Variants in ZSCAN29 observed in about 807,000 individuals in gnomAD.
ZSCAN29 encodes zinc finger and SCAN domain-containing protein 29.
A neutral mutation model predicts 71.9 loss-of-function variants in ZSCAN29; 55 were observed. The observed-to-expected ratio is 0.76, with a 90% CI of 0.62 to 0.96. ZSCAN29 has a LOEUF of 0.96. Ranked by LOEUF, ZSCAN29 falls within the 40% of genes least tolerant of loss-of-function variation. ZSCAN29 has a pLI of 0.00. For missense variants in ZSCAN29, 1,042 were observed against 1,042.2 expected, an observed-to-expected ratio of 1.00 and a Z score of 0.00; for synonymous variants, 351 against 371.6, an observed-to-expected ratio of 0.94 and a Z score of 0.64.
intron 3 of ZSCAN29, among the ~76,000 whole-genome samples, chr15:43,368,698 C>T (rs1460162223): frequency 6.6e-6 from 1 of 152,044 alleles, no homozygotes; most frequent in African/African-American, 2.4e-5. Context: ...ATCATCATTA[C>T]CAAGAGGAAA....
In ZSCAN29 at chr15:43,360,520, A is replaced by C. The variant is rs992583200; in HGVS notation, c.*553T>G. The C allele has an allele frequency of 6.6e-6, 1 of 152,288 alleles. No individual in the cohort carries two copies. Among genetic ancestry groups the C allele is most frequent in the Non-Finnish European group, 1.5e-5 (1 of 68,428 alleles). The allele number at this position is 152,288 out of a possible 1,614,324, so 9.4% of individuals were successfully genotyped here. ...CATGGTGGCGCATGCTTGTAATTCC[A>C]GCCACTTGGGAGGCTGAGGCAGGAG... On this transcript the variant is annotated 3_prime_UTR_variant, in exon 6 of 6. Transcript: ENST00000684362.
chr15:43,364,763 C>T (rs575779781), intron 4 of ZSCAN29, among the ~76,000 whole-genome samples: 2 of 151,704 alleles, frequency 1.3e-5, no homozygotes, highest in Admixed American at 1.3e-4. Flanking sequence ...TGGTGTGCAC[C>T]TATAGTCCCA....
At chr15:43,362,908 T>C (rs8035222) in intron 5 of ZSCAN29, among the ~76,000 whole-genome samples, 1 of 152,196 alleles carries the variant, frequency 6.6e-6, no homozygotes, top group African/African-American at 2.4e-5. Context: ...ATGGCTACTA[T>C]GTGCCAGGCA....
At chr15:43,369,511 G>C in intron 2 of ZSCAN29, 85 bp downstream of exon 2, 1 of 1,418,490 alleles carries the variant, frequency 7.0e-7, no homozygotes, top group Non-Finnish European at 9.6e-7. Context: ...GGGAGACTGT[G>C]TCCCTCTTTA....
At chr15:43,367,310 G>T (rs2044049415) in intron 3 of ZSCAN29, among the ~76,000 whole-genome samples, 12 of 152,022 alleles carry the variant, frequency 7.9e-5, no homozygotes, top group Admixed American at 7.9e-4. Context: ...CCAGATAATT[G>T]CAGCAGTCAC....
rs1297883135 is a variant in ZSCAN29 at position 43,361,677 on chromosome 15, T to A, written c.1955A>T (p.Lys652Ile). Residue 652 changes from lysine (K) to isoleucine (I), a missense_variant, in exon 6 of 6, where the codon AAA (lysine) becomes ATA (isoleucine). Lys to Ile is a moderately radical substitution (Grantham distance 102). Coordinates refer to ENST00000684362, the MANE Select transcript of ZSCAN29 (RefSeq NM_001372080.1). ...AAAGCTTTTGCTGTATTTGAGATAT[T>A]TATAGGGTCTCTCTCCCAAGCAAGG... ...QRPCLGERPY[K>I]YLKYSKSFGP... 1 of 1,614,018 alleles carries A rather than the reference T, an allele frequency of 6.2e-7. No individual in the cohort carries two copies. The highest frequency in any genetic ancestry group is 8.5e-7 in the Non-Finnish European group (1 of 1,180,034).
chr15:43,364,121 C>A lies in ZSCAN29; in HGVS notation c.1484G>T (p.Ser495Ile), dbSNP rs946353904. The change falls in exon 5 of 6, where the codon AGT (serine) becomes ATT (isoleucine). Residue 495 changes from serine (S) to isoleucine (I), a missense_variant. Physicochemically the swap from Ser to Ile is moderately radical, Grantham distance 142. Transcript: ENST00000684362. ...ATTGGGTGGGGCAGCAACCCGGACACTCACCAAAGCATCCATCTCTTCAAA... is the reference window on the plus strand; with the variant it reads ...ATTGGGTGGGGCAGCAACCCGGACAATCACCAAAGCATCCATCTCTTCAAA... ...PFFEEMDALVSVRVAAPPNDG... is the reference protein window; with the variant it reads ...PFFEEMDALVIVRVAAPPNDG... 1.8e-5 allele frequency: 29 copies of A among 1,614,088 alleles called. No individual in the cohort carries two copies. The highest frequency in any genetic ancestry group is 2.7e-5 in the African/African-American group (2 of 74,922).
In ZSCAN29 at chr15:43,359,851, G is replaced by A. The variant is rs2043962913; in HGVS notation, c.*1222C>T. 6.6e-6 allele frequency: 1 copy of A among 152,146 alleles called. No homozygotes were observed. The highest frequency in any genetic ancestry group is 1.5e-5 in the Non-Finnish European group (1 of 68,026). The allele number at this position is 152,146 out of a possible 1,614,324, so 9.4% of individuals were successfully genotyped here. A position where few individuals can be genotyped will look rare whatever the true frequency, so the allele number is the denominator to read the frequency against. ...CTCAGAAGAAACTAAGAAATCCAGG[G>A]TTCACACTTCAGTATAAGGTTTTCA... On this transcript the variant is annotated 3_prime_UTR_variant, in exon 6 of 6. Transcript: ENST00000684362.
In ZSCAN29 at chr15:43,364,225, C is replaced by T; in HGVS notation, c.1380G>A (p.Gln460=). The change falls in exon 5 of 6, where the codon CAG becomes CAA. Residue 460 remains glutamine (Q), a synonymous_variant. Transcript: ENST00000684362. ...GCAGGCTTTTAAACTTGGTCCGACA[C>T]TGTTCTGGGGTCCTAAGAAAGCCAT... The part of the protein sequence containing the change: ...WEYGFLRTPE[Q]CRTKFKSLQT... 1 of 1,614,216 alleles carries T rather than the reference C, an allele frequency of 6.2e-7. No individual in the cohort carries two copies. The highest frequency in any genetic ancestry group is 8.5e-7 in the Non-Finnish European group (1 of 1,180,048).
At position 43,361,238 on chromosome 15, in the gene ZSCAN29, ACT is replaced by A; in HGVS notation, c.2392_2393del (p.Ser798PhefsTer3). 1.9e-6 allele frequency: 3 copies of A among 1,613,018 alleles called. No individual in the cohort carries two copies. The highest frequency in any genetic ancestry group is 2.5e-6 in the Non-Finnish European group (3 of 1,179,718). ...RPHVCPDCGKSFSKSSDLRAH... is the reference protein window; with the variant it reads ...RPHVCPDCGKXFSKSSDLRAH... ...CACGTAAGTCAGAACTCTTACTGAA[ACT>A]CTTTCCACAGTCAGGACACACATGG... On this transcript the variant is annotated frameshift_variant, in exon 6 of 6. Transcript: ENST00000684362. LOFTEE classifies it high-confidence loss of function.
chr15:43,366,929 T>C, intron 3 of ZSCAN29, 121 bp from the exon 4 acceptor site: 2 of 945,470 alleles, frequency 2.1e-6, no homozygotes, highest in Non-Finnish European at 3.1e-6. Context: ...AGGGAAATGT[T>C]TTCAGAAAGT....
At chr15:43,366,840 T>G (rs757873280) in intron 3 of ZSCAN29, 32 bp from the exon 4 acceptor site, 1 of 1,559,700 alleles carries the variant, frequency 6.4e-7, no homozygotes, top group East Asian at 2.2e-5. Context: ...AAAGTTGTCA[T>G]AGTTTGGACT....
intron 5 of ZSCAN29, chr15:43,363,696 T>C (rs2142728599): frequency 4.1e-6 from 2 of 489,274 alleles, no homozygotes; most frequent in East Asian, 6.1e-5. Flanking sequence ...ATTTACAATG[T>C]GCAGCTATCT....
chr15:43,364,092 C>A lies in ZSCAN29; in HGVS notation c.1513G>T (p.Gly505Cys), dbSNP rs766414519. 35 of 1,614,034 alleles carry A rather than the reference C, an allele frequency of 2.2e-5. No homozygotes were observed. The South Asian group carries it at 3.8e-4, about 18-fold the overall frequency. ...SVRVAAPPND[G>C]QEETASCPVQ... ...GGGCAAGAAGCAGTCTCTTCCTGGCCATCATTGGGTGGGGCAGCAACCCGG... is the reference window on the plus strand; with the variant it reads ...GGGCAAGAAGCAGTCTCTTCCTGGCAATCATTGGGTGGGGCAGCAACCCGG... Residue 505 changes from glycine to cysteine, a missense_variant, in exon 5 of 6, where the codon GGC (glycine) becomes TGC (cysteine). By Grantham distance (159) the Gly-to-Cys change is radical. Transcript: ENST00000684362.
chr15:43,368,900 T>A, intron 3 of ZSCAN29, 23 bp downstream of exon 3: 2 of 1,561,280 alleles, frequency 1.3e-6, no homozygotes, highest in Non-Finnish European at 1.7e-6. Flanking sequence ...CAGTCTATCT[T>A]CCCATATGAA....
At chr15:43,368,578 A>G (rs1302927432) in intron 3 of ZSCAN29, among the ~76,000 whole-genome samples, 1 of 151,094 alleles carries the variant, frequency 6.6e-6, no homozygotes, top group Non-Finnish European at 1.5e-5. Context: ...TTCTGGGGGA[A>G]AGCTTAAGGT....
At chr15:43,365,210 G>C (rs145067056) in intron 4 of ZSCAN29, among the ~76,000 whole-genome samples, 1 of 152,278 alleles carries the variant, frequency 6.6e-6, no homozygotes, top group African/African-American at 2.4e-5. Context: ...TGGAAGCTTA[G>C]AATGGTTAGA....
At chr15:43,367,749 G>A (rs2044054058) in intron 3 of ZSCAN29, among the ~76,000 whole-genome samples, 1 of 152,138 alleles carries the variant, frequency 6.6e-6, no homozygotes, top group Non-Finnish European at 1.5e-5. Flanking sequence ...ACCTTGACAG[G>A]TGTTCAAAAA....
rs1462612196 is a variant in ZSCAN29, at chr15:43,361,857, C to A, written c.1775G>T (p.Arg592Ile). Residue 592 changes from arginine (R) to isoleucine (I), a missense_variant, in exon 6 of 6, where the codon AGA (arginine) becomes ATA (isoleucine). Arg to Ile is a moderately conservative substitution (Grantham distance 97). Transcript: ENST00000684362. Reference sequence around the variant, plus strand: ...ATACCGGGGAATTTTCCTTTCAGATCTTGCAAGTAATGTCCTATGCAGTTG... The same window carrying A: ...ATACCGGGGAATTTTCCTTTCAGATATTGCAAGTAATGTCCTATGCAGTTG... ...EVQLHRTLLA[R>I]SERKIPRYLH... 1 of 1,614,188 alleles carries A rather than the reference C, an allele frequency of 6.2e-7. No homozygotes were observed. Among genetic ancestry groups the A allele is most frequent in the Admixed American group, 1.7e-5 (1 of 60,022 alleles).
Sources: allele counts gnomAD v4.1 joint callset (sites outside exome capture counted in the v4.1 genomes callset), GRCh38; gene constraint gnomAD v4.1.1; transcripts MANE v1.5; gene names NCBI Gene and HGNC (gene_info 2026-07-23, HGNC 2026-07-21).